Variants in ATXN1 observed in about 807,000 individuals in gnomAD.
ATXN1 encodes the protein ataxin-1.
ATXN1 carries 8 observed loss-of-function variants against 56.4 expected under a neutral mutation model. The observed-to-expected ratio is 0.14, with a 90% CI of 0.08 to 0.26. The LOEUF (loss-of-function observed/expected upper bound fraction) is 0.26, where lower values mean the gene tolerates loss of function less well. ATXN1 is among the 10% of genes least tolerant of loss of function. The pLI is 1.00. For missense variants in ATXN1, 987 were observed against 1,106.5 expected (o/e 0.89, Z 1.53); for synonymous variants, 514 against 494.6 (o/e 1.04, Z -0.52).
At chr6:16,607,944 A>C (rs1029896171) in intron 3 of ATXN1, among the ~76,000 whole-genome samples, 2 of 152,218 alleles carry the variant, frequency 1.3e-5, no homozygotes, top group African/African-American at 4.8e-5. Context: ...CAGTCTTCTT[A>C]TGACATCCAC....
At chr6:16,748,707 G>A (rs934424781) in intron 2 of ATXN1, among the ~76,000 whole-genome samples, 3 of 152,108 alleles carry the variant, frequency 2.0e-5, no homozygotes, top group South Asian at 2.1e-4. Flanking sequence ...AGACAAGAAC[G>A]ATCTGCCCCT....
intron 3 of ATXN1, among the ~76,000 whole-genome samples, chr6:16,635,411 G>A (rs1184047038): frequency 6.6e-6 from 1 of 152,180 alleles, no homozygotes; most frequent in African/African-American, 2.4e-5. Flanking sequence ...ACCCTAGTCT[G>A]TGGAAAAACT....
intron 3 of ATXN1, among the ~76,000 whole-genome samples, chr6:16,598,105 C>T (rs753508660): frequency 3.3e-5 from 5 of 151,814 alleles, no homozygotes; most frequent in Non-Finnish European, 5.9e-5. Context: ...ACACTGTACC[C>T]CATAAATATA....
At chr6:16,440,831 C>T (rs1321710608) in intron 6 of ATXN1, among the ~76,000 whole-genome samples, 1 of 152,022 alleles carries the variant, frequency 6.6e-6, no homozygotes, top group Non-Finnish European at 1.5e-5. Flanking sequence ...AACCCATGGA[C>T]CACATCAAGA....
At chr6:16,658,031 T>C (rs1438881920) in intron 2 of ATXN1, 130 bp from the exon 3 acceptor site, 2 of 152,092 alleles carry the variant, frequency 1.3e-5, no homozygotes, top group Non-Finnish European at 2.9e-5. Flanking sequence ...GCATGTTAAT[T>C]ATCAGGATGA....
At chr6:16,309,359 G>T (rs1422453730) in intron 7 of ATXN1, among the ~76,000 whole-genome samples, 1 of 151,936 alleles carries the variant, frequency 6.6e-6, no homozygotes, top group African/African-American at 2.4e-5. Flanking sequence ...AATAGACATG[G>T]ATTAAGAAAG....
At chr6:16,470,264 C>A (rs1760191435) in intron 6 of ATXN1, among the ~76,000 whole-genome samples, 1 of 152,088 alleles carries the variant, frequency 6.6e-6, no homozygotes, top group Admixed American at 6.6e-5. Context: ...CTTATATGAG[C>A]CACTTACAGT....
chr6:16,308,519 G>A (rs962595245), intron 7 of ATXN1, among the ~76,000 whole-genome samples: 1 of 152,178 alleles, frequency 6.6e-6, no homozygotes, highest in African/African-American at 2.4e-5. Flanking sequence ...ATAGGGAACA[G>A]GTAATGGAGT....
At chr6:16,626,473 G>C (rs1197610345) in intron 3 of ATXN1, among the ~76,000 whole-genome samples, 1 of 151,966 alleles carries the variant, frequency 6.6e-6, no homozygotes, top group South Asian at 2.1e-4. Context: ...TGTTTTTTTA[G>C]TAGAGACGGG....
intron 2 of ATXN1, among the ~76,000 whole-genome samples, chr6:16,660,151 CT>C (rs1346180191): frequency 1.3e-5 from 2 of 152,218 alleles, no homozygotes; most frequent in African/African-American, 2.4e-5. Flanking sequence ...ATATGCTTCC[CT>C]CTTTCAGCAA....
chr6:16,501,075 G>T (rs1210413773), intron 5 of ATXN1, among the ~76,000 whole-genome samples: 8 of 151,858 alleles, frequency 5.3e-5, no homozygotes, highest in African/African-American at 1.7e-4. Context: ...TTAAACTGGT[G>T]CACTCAAATG....
At chr6:16,677,426 G>C (rs1758710776) in intron 2 of ATXN1, among the ~76,000 whole-genome samples, 1 of 152,100 alleles carries the variant, frequency 6.6e-6, no homozygotes, top group Non-Finnish European at 1.5e-5. Context: ...CTAATACTTA[G>C]ATAAAAATTA....
At chr6:16,683,562 T>C (rs1453089819) in intron 2 of ATXN1, among the ~76,000 whole-genome samples, 1 of 152,212 alleles carries the variant, frequency 6.6e-6, no homozygotes, top group East Asian at 1.9e-4. Context: ...TCCCCTATTC[T>C]GGAGATCACA....
intron 6 of ATXN1, among the ~76,000 whole-genome samples, chr6:16,369,094 G>A (rs1407738748): frequency 6.6e-6 from 1 of 152,078 alleles, no homozygotes; most frequent in Non-Finnish European, 1.5e-5. Flanking sequence ...GTTCGTCCGT[G>A]CCCCCTCCCA....
chr6:16,439,390 T>A (rs1272161361), intron 6 of ATXN1, among the ~76,000 whole-genome samples: 1 of 11,692 alleles, frequency 8.6e-5, no homozygotes, highest in African/African-American at 4.5e-4. Context: ...GGAATAAGGG[T>A]TGGGGTGGGG....
intron 3 of ATXN1, among the ~76,000 whole-genome samples, chr6:16,643,796 G>A (rs1763753015): frequency 6.6e-6 from 1 of 152,002 alleles, no homozygotes; most frequent in Non-Finnish European, 1.5e-5. Flanking sequence ...TCGTTTGTTT[G>A]ATAAATGTTA....
At position 16,327,030 on chromosome 6, in the gene ATXN1, C is replaced by G. The variant is rs200416161; in HGVS notation, c.1281G>C (p.Ala427=). The G allele has an allele frequency of 1.2e-6, 2 of 1,614,024 alleles. No individual in the cohort carries two copies. Among genetic ancestry groups the G allele is most frequent in the African/African-American group, 2.7e-5 (2 of 74,910 alleles). The change falls in exon 7 of 8, where the codon GCG becomes GCC. Residue 427 remains alanine, a synonymous_variant. Transcript: ENST00000436367. ...TCTGAATGACCGTGTGGGGTGAGAG[C>G]GCGTAGGACCGGTGGCCAGGCTTCC... is the stretch of plus-strand genomic sequence containing the variant. ...HLGKPGHRSY[A]LSPHTVIQTT... is the part of the protein sequence containing the mutation.
chr6:16,408,110 G>A (rs1228208307), intron 6 of ATXN1, among the ~76,000 whole-genome samples: 1 of 152,096 alleles, frequency 6.6e-6, no homozygotes, highest in African/African-American at 2.4e-5. Flanking sequence ...GGAAGAGACC[G>A]TGGGGCCATA....
chr6:16,534,268 A>C (rs1464350592), intron 4 of ATXN1, among the ~76,000 whole-genome samples: 6 of 152,056 alleles, frequency 3.9e-5, no homozygotes, highest in Admixed American at 3.9e-4. Flanking sequence ...AAGAGTTTTA[A>C]CCAATATGCA....
Sources: allele counts gnomAD v4.1 joint callset (sites outside exome capture counted in the v4.1 genomes callset), GRCh38; gene constraint gnomAD v4.1.1; transcripts MANE v1.5; gene names NCBI Gene and HGNC (gene_info 2026-07-23, HGNC 2026-07-21).